Variants in DIAPH2 observed in about 807,000 individuals in gnomAD.
The protein encoded by DIAPH2 is diaphanous related formin 2, also known as protein diaphanous homolog 2.
A neutral mutation model predicts 92.7 loss-of-function variants in DIAPH2; 35 were observed. That is an observed-to-expected ratio of 0.38 (90% CI 0.29 to 0.50). DIAPH2 has a LOEUF of 0.50. Among genes scored for constraint, DIAPH2 ranks in the 20% least tolerant of loss-of-function variants. DIAPH2 has a pLI of 0.94. For missense variants in DIAPH2, 701 were observed against 819.5 expected, an observed-to-expected ratio of 0.86 and a Z score of 1.77; for synonymous variants, 301 against 280.4, an observed-to-expected ratio of 1.07 and a Z score of -0.73.
At chrX:96,770,884 G>A (rs912301796) in intron 4 of DIAPH2, among the ~76,000 whole-genome samples, 8 of 111,795 alleles carry the variant, frequency 7.2e-5, no homozygotes, top group Admixed American at 6.7e-4. Context: ...TATATGCAAC[G>A]AGTAGCTACT....
intron 23 of DIAPH2, among the ~76,000 whole-genome samples, chrX:97,336,945 C>A (rs1177901696): frequency 9.2e-6 from 1 of 109,145 alleles, no homozygotes; most frequent in African/African-American, 3.3e-5. Context: ...TTTTTTTTAT[C>A]CTAGCTGACT....
chrX:96,817,208 AAACT>A (rs1300398125), intron 4 of DIAPH2, among the ~76,000 whole-genome samples: 12 of 112,164 alleles, frequency 1.1e-4, no homozygotes, highest in Non-Finnish European at 2.1e-4. Context: ...TAAAATAACT[AAACT>A]AACTAAACGT....
At position 97,500,763 on chromosome X, in the gene DIAPH2, G is replaced by GATATATAT. The variant is rs56041649; in HGVS notation, c.3241+71051_3241+71058dup. On this transcript the variant is annotated intron_variant, in intron 26 of 26. Coordinates refer to ENST00000324765, the MANE Select transcript of DIAPH2 (RefSeq NM_006729.5). ...TGATTTCACAACAGCCATTCAAGGAGATATATATATATATATATATATATA... is the reference window on the plus strand; with the variant it reads ...TGATTTCACAACAGCCATTCAAGGAGATATATATATATATATATATATATATATATATA... Among the ~76,000 whole-genome samples the GATATATAT allele has an allele frequency of 4.2e-4, 25 of 60,098 alleles. 1 individual carries two copies. The highest frequency in any genetic ancestry group is 2.7e-3 in the East Asian group (4 of 1,460). The allele number at this position is 60,098 out of a possible 115,157, so 52.2% of individuals were successfully genotyped here.
intron 17 of DIAPH2, among the ~76,000 whole-genome samples, chrX:97,041,025 T>G (rs1051534420): frequency 9.0e-6 from 1 of 111,430 alleles, no homozygotes; most frequent in Non-Finnish European, 1.9e-5. Flanking sequence ...TATACAGTTT[T>G]ATGGGTTTTA....
At chrX:96,775,678 A>G (rs2064373046) in intron 4 of DIAPH2, among the ~76,000 whole-genome samples, 1 of 110,404 alleles carries the variant, frequency 9.1e-6, no homozygotes, top group African/African-American at 3.3e-5. Flanking sequence ...ACACAGTGAA[A>G]ATCATAATAT....
intron 4 of DIAPH2, among the ~76,000 whole-genome samples, chrX:96,780,893 G>A (rs1444266750): frequency 9.3e-6 from 1 of 107,792 alleles, no homozygotes; most frequent in Non-Finnish European, 1.9e-5. Flanking sequence ...TGCAACCTCC[G>A]CCTCCTGGGA....
At chrX:97,295,319 C>G (rs763565458) in intron 23 of DIAPH2, among the ~76,000 whole-genome samples, 1 of 111,743 alleles carries the variant, frequency 8.9e-6, no homozygotes, top group East Asian at 2.8e-4. Context: ...TGTCACTATT[C>G]ACGTATGAAT....
intron 26 of DIAPH2, among the ~76,000 whole-genome samples, chrX:97,464,938 T>C (rs2070496610): frequency 9.0e-6 from 1 of 111,551 alleles, no homozygotes; most frequent in Non-Finnish European, 1.9e-5. Context: ...AACATCTGCC[T>C]TCTGGGTTCA....
At chrX:96,749,122 C>T (rs976304779) in intron 3 of DIAPH2, among the ~76,000 whole-genome samples, 1 of 75,401 alleles carries the variant, frequency 1.3e-5, no homozygotes, top group Non-Finnish European at 2.4e-5. Context: ...ATTTCCTACC[C>T]CATCAGAAAA....
intron 4 of DIAPH2, among the ~76,000 whole-genome samples, chrX:96,870,358 T>C (rs2065132190): frequency 9.1e-6 from 1 of 109,313 alleles, no homozygotes; most frequent in South Asian, 4.0e-4. Context: ...ACCTCCGGGG[T>C]TCACGCCATT....
Position 96,922,125 on chromosome X carries a change from C to G in DIAPH2, c.978+3508C>G, listed in dbSNP as rs988053085. 2.3e-4 allele frequency among the ~76,000 whole-genome samples: 26 copies of G among 111,335 alleles called. 1 individual carries two copies. Among genetic ancestry groups the G allele is most frequent in the Admixed American group, 8.6e-4 (9 of 10,465 alleles). ...CATTTTATAGATAATTAAACTGAGG[C>G]TCATAAAGGTTAAATAACTTCCCTA... On this transcript the variant is annotated intron_variant, in intron 9 of 26. Transcript: ENST00000324765.
intron 15 of DIAPH2, among the ~76,000 whole-genome samples, chrX:96,952,357 C>T (rs193147323): frequency 2.6e-4 from 29 of 111,740 alleles, no homozygotes; most frequent in South Asian, 3.7e-4. Flanking sequence ...ATCTTGTCTA[C>T]CTATGAGTGT....
chrX:96,774,902 T>C (rs1052730171), intron 4 of DIAPH2, among the ~76,000 whole-genome samples: 8 of 112,216 alleles, frequency 7.1e-5, no homozygotes, highest in Non-Finnish European at 1.5e-4. Context: ...TTAAACATCG[T>C]TTTGTTCAAT....
intron 4 of DIAPH2, among the ~76,000 whole-genome samples, chrX:96,834,910 T>C (rs749045441): frequency 9.0e-6 from 1 of 111,724 alleles, no homozygotes; most frequent in Non-Finnish European, 1.9e-5. Context: ...GAGCCATGAG[T>C]GCTCAACTTT....
chrX:96,740,401 T>C (rs367791189), intron 3 of DIAPH2, among the ~76,000 whole-genome samples: 4 of 112,340 alleles, frequency 3.6e-5, no homozygotes, highest in East Asian at 2.8e-4. Flanking sequence ...ATTAACACTT[T>C]TTATCTTTTT....
intron 4 of DIAPH2, among the ~76,000 whole-genome samples, chrX:96,795,103 G>C (rs1264652581): frequency 9.0e-6 from 1 of 111,300 alleles, no homozygotes; most frequent in Admixed American, 9.6e-5. Flanking sequence ...ACATTCACAG[G>C]TTCCATGAGT....
intron 19 of DIAPH2, among the ~76,000 whole-genome samples, chrX:97,076,270 G>A (rs747460016): frequency 3.0e-4 from 34 of 111,956 alleles, no homozygotes; most frequent in Non-Finnish European, 6.0e-4. Context: ...GGTGACTCAC[G>A]CCTGTAATCC....
At chrX:97,504,584 C>G (rs2070820153) in intron 26 of DIAPH2, among the ~76,000 whole-genome samples, 1 of 111,760 alleles carries the variant, frequency 8.9e-6, no homozygotes, top group South Asian at 3.7e-4. Flanking sequence ...TGTTTTCTAG[C>G]ATCCATATAA....
At chrX:96,812,267 G>A (rs1446186433) in intron 4 of DIAPH2, among the ~76,000 whole-genome samples, 2 of 111,975 alleles carry the variant, frequency 1.8e-5, no homozygotes, top group Non-Finnish European at 3.8e-5. Context: ...ATGTGTTGAG[G>A]AATTTATCCA....
Sources: gnomAD v4.1 joint callset for allele counts (sites outside exome capture counted in the v4.1 genomes callset) on GRCh38, gnomAD v4.1.1 for gene constraint, MANE v1.5 for transcripts, NCBI Gene and HGNC (gene_info 2026-07-23, HGNC 2026-07-21) for gene names.